NFASC: variants seen among roughly 807,000 people sequenced by gnomAD.
NFASC encodes the protein neurofascin homolog.
A neutral mutation model predicts 147.5 loss-of-function variants in NFASC; 43 were observed. The ratio of observed to expected loss-of-function variants is 0.29; its 90% confidence interval spans 0.23 to 0.38. NFASC has a LOEUF of 0.38. NFASC is among the 10% of genes least tolerant of loss of function. NFASC has a pLI of 1.00. For synonymous variants in NFASC, 622 were observed against 665.5 expected, an observed-to-expected ratio of 0.93 and a Z score of 1.01; for missense variants, 1,320 against 1,689.0, an observed-to-expected ratio of 0.78 and a Z score of 3.83.
In NFASC at chr1:204,933,196, G is replaced by A. The variant is rs145616540; in HGVS notation, c.-90-11030G>A. On this transcript the variant is annotated intron_variant, in intron 2 of 29. Transcript: ENST00000339876. The stretch of plus-strand genomic sequence containing the variant: ...AGATCAGGTGTTTAGAAAAGTCACT[G>A]GAATAGCAGCATGGAGAATGGATTG... 5.3e-3 allele frequency among the ~76,000 whole-genome samples: 807 copies of A among 152,320 alleles called. 11 individuals are homozygous for A. The highest frequency in any genetic ancestry group is 0.019 in the African/African-American group (769 of 41,562).
In NFASC at chr1:204,866,403, C is replaced by T. The variant is rs16854575; in HGVS notation, c.-200+37621C>T. Among the ~76,000 whole-genome samples, 774 of 152,208 alleles carry T rather than the reference C, an allele frequency of 5.1e-3. 6 individuals are homozygous for T. Among genetic ancestry groups the T allele is most frequent in the African/African-American group, 0.018 (734 of 41,492 alleles). Reference sequence around the variant, plus strand: ...ATGGGGCTTTTGGAGCTATGCCGAGCCCTTGAGAGGTCAGTTCTTAGGTAA... The same window carrying T: ...ATGGGGCTTTTGGAGCTATGCCGAGTCCTTGAGAGGTCAGTTCTTAGGTAA... On this transcript the variant is annotated intron_variant, in intron 1 of 29. Transcript: ENST00000339876.
At chr1:205,012,770 G>C in intron 28 of NFASC, 27 bp from the exon 29 acceptor site, 1 of 1,559,206 alleles carries the variant, frequency 6.4e-7, no homozygotes, top group Non-Finnish European at 8.8e-7. Flanking sequence ...CGTCGTGTCT[G>C]TGTCTTTGCT....
chr1:204,842,584 C>G (rs1297686135), intron 1 of NFASC, among the ~76,000 whole-genome samples: 1 of 152,238 alleles, frequency 6.6e-6, no homozygotes, highest in Non-Finnish European at 1.5e-5. Context: ...AATCCCCTGT[C>G]ACCCAGAAGC....
intron 1 of NFASC, among the ~76,000 whole-genome samples, chr1:204,896,317 A>C (rs1363013047): frequency 6.6e-6 from 1 of 152,162 alleles, no homozygotes; most frequent in African/African-American, 2.4e-5. Flanking sequence ...CTTGCAGGGG[A>C]GGCAGCCAGC....
intron 1 of NFASC, among the ~76,000 whole-genome samples, chr1:204,874,207 G>C (rs548183203): frequency 2.6e-5 from 4 of 152,290 alleles, no homozygotes; most frequent in African/African-American, 9.6e-5. Context: ...CCATGTTGGA[G>C]GTGTCCTCAC....
At chr1:204,891,487 G>T (rs1172026406) in intron 1 of NFASC, among the ~76,000 whole-genome samples, 1 of 152,160 alleles carries the variant, frequency 6.6e-6, no homozygotes, top group Non-Finnish European at 1.5e-5. Flanking sequence ...TCAATAAGAG[G>T]CCCTAGGGCT....
In NFASC at chr1:204,988,794, C is replaced by T; in HGVS notation, c.2755C>T (p.Pro919Ser). Residue 919 changes from proline to serine, a missense_variant, in exon 23 of 30, where the codon CCC (proline) becomes TCC (serine). This residue lies in a region of NFASC where 981 missense variants were observed against 1,289.5 expected (regional missense o/e 0.76). Coordinates refer to ENST00000339876, the MANE Select transcript of NFASC (RefSeq NM_001005388.3). ...GEAVTEESPA[P>S]PNEATPTAAP... Reference sequence around the variant, plus strand: ...AGCCGTCACAGAGGAGTCACCAGCACCCCCGAATGAAGGTAGGTGCATGGC... The same window carrying T: ...AGCCGTCACAGAGGAGTCACCAGCATCCCCGAATGAAGGTAGGTGCATGGC... The T allele has an allele frequency of 1.2e-6, 2 of 1,614,078 alleles. No individual in the cohort carries two copies. Among genetic ancestry groups the T allele is most frequent in the East Asian group, 2.2e-5 (1 of 44,876 alleles).
At position 205,001,207 on chromosome 1, in the gene NFASC, C is replaced by T. The variant is rs372565870; in HGVS notation, c.3057C>T (p.Leu1019=). The T allele has an allele frequency of 1.2e-6, 2 of 1,612,422 alleles. No homozygotes were observed. The highest frequency in any genetic ancestry group is 8.5e-7 in the Non-Finnish European group (1 of 1,179,202). The part of the protein sequence containing the change: ...DEQSIWNVTV[L]PNSKWANITW... Reference sequence around the variant, plus strand: ...AGTCCATATGGAACGTCACGGTGCTCCCCAACAGTAAATGGGCCAACATCA... The same window carrying T: ...AGTCCATATGGAACGTCACGGTGCTTCCCAACAGTAAATGGGCCAACATCA... Residue 1019 remains leucine, a synonymous_variant, in exon 26 of 30, where the codon CTC becomes CTT. Transcript: ENST00000339876.
At chr1:204,882,427 TC>T (rs144881054) in intron 1 of NFASC, among the ~76,000 whole-genome samples, 2 of 151,994 alleles carry the variant, frequency 1.3e-5, no homozygotes, top group African/African-American at 4.8e-5. Flanking sequence ...CTTAAGCTAT[TC>T]CCCCCCTCAC....
chr1:204,928,372 G>A (rs980549198), intron 2 of NFASC, among the ~76,000 whole-genome samples: 1 of 152,104 alleles, frequency 6.6e-6, no homozygotes, highest in African/African-American at 2.4e-5. Flanking sequence ...TTGTAGAGTC[G>A]GCGATGTCCT....
intron 1 of NFASC, among the ~76,000 whole-genome samples, chr1:204,865,230 G>C (rs968175301): frequency 6.6e-6 from 1 of 152,162 alleles, no homozygotes; most frequent in Non-Finnish European, 1.5e-5. Context: ...ACATAGCTAT[G>C]TTAAAGTTTA....
chr1:204,849,271 G>T (rs1277537137), intron 1 of NFASC, among the ~76,000 whole-genome samples: 1 of 152,310 alleles, frequency 6.6e-6, no homozygotes, highest in East Asian at 1.9e-4. Context: ...AGAGTGCTTG[G>T]CACATTTTGA....
chr1:204,976,867 G>A lies in NFASC; in HGVS notation c.1831+72G>A, dbSNP rs777835667. 2.9e-5 allele frequency: 45 copies of A among 1,564,278 alleles called. No homozygotes were observed. In the Admixed American group the frequency reaches 3.7e-4, roughly 13 times the overall value. ...CCAGCAGCCAGAGAAGCAGTGGCCC[G>A]GGGCAGTTCCGAGGGCAGTGCCTGC... On this transcript the variant is annotated intron_variant, in intron 16 of 29. Transcript: ENST00000339876.
At position 204,975,495 on chromosome 1, in the gene NFASC, G is replaced by A; in HGVS notation, c.1706+77G>A. On this transcript the variant is annotated intron_variant, in intron 15 of 29. Transcript: ENST00000339876. This position sits in a 1 kb window ranked among gnomAD's most constrained non-coding sequence, Gnocchi z 4.0. ...TTTCCCTTGCTGTTGGTGACACATG[G>A]AAGAACACAGGGACAGGGAACCCGT... 3 of 1,539,400 alleles carry A rather than the reference G, an allele frequency of 1.9e-6. No individual in the cohort carries two copies. The highest frequency in any genetic ancestry group is 2.7e-6 in the Non-Finnish European group (3 of 1,128,472).
chr1:205,014,382 A>G (rs2096308211), intron 29 of NFASC, among the ~76,000 whole-genome samples: 1 of 152,220 alleles, frequency 6.6e-6, no homozygotes. Context: ...TAACCTGGGA[A>G]AAGGCTGAAA....
In NFASC at chr1:204,977,880, G is replaced by A. The variant is rs190306371; in HGVS notation, c.1876+155G>A. ...ATGGGACCTCCTTTGAGTTGCCCAC[G>A]TCCACCTCCCCACGGCCCTTTGCTG... is the stretch of plus-strand genomic sequence containing the variant. On this transcript the variant is annotated intron_variant, in intron 17 of 29. Transcript: ENST00000339876. Among the ~76,000 whole-genome samples, 7 of 152,278 alleles carry A rather than the reference G, an allele frequency of 4.6e-5. No individual in the cohort carries two copies. The East Asian group carries it at 7.7e-4, about 17-fold the overall frequency.
chr1:204,937,539 G>T (rs35070659), intron 2 of NFASC, among the ~76,000 whole-genome samples: 1 of 152,168 alleles, frequency 6.6e-6, no homozygotes, highest in African/African-American at 2.4e-5. Flanking sequence ...ATGTCATGCG[G>T]TTGTAACCAC....
chr1:204,969,870 G>A (rs954206831), intron 10 of NFASC, among the ~76,000 whole-genome samples: 26 of 152,000 alleles, frequency 1.7e-4, no homozygotes, highest in African/African-American at 6.3e-4. Flanking sequence ...GAGGTCAGAA[G>A]ATCGAGACCA....
chr1:205,002,758 G>T lies in NFASC; in HGVS notation c.3289+10G>T. The T allele has an allele frequency of 6.9e-7, 1 of 1,443,108 alleles. No individual in the cohort carries two copies. Among genetic ancestry groups the T allele is most frequent in the South Asian group, 1.5e-5 (1 of 66,836 alleles). 89.4% of individuals were successfully genotyped at this position (1,443,108 alleles called of 1,614,324 possible). On this transcript the variant is annotated intron_variant, in intron 27 of 29. Transcript: ENST00000339876. ...TTTATGACCAGTACAGGTGAGAGGG[G>T]ACCTGGCCTGGCCATCCCCTGCAAG...
Sources: allele counts gnomAD v4.1 joint callset (sites outside exome capture counted in the v4.1 genomes callset), GRCh38; gene constraint gnomAD v4.1.1; regional missense constraint gnomAD v4.1.1; non-coding constraint Gnocchi (gnomAD v3.1); transcripts MANE v1.5; gene names NCBI Gene and HGNC (gene_info 2026-07-23, HGNC 2026-07-21).